Variants in CLIP2 observed in about 807,000 individuals in gnomAD.
CLIP2 encodes the protein CAP-Gly domain-containing linker protein 2.
CLIP2 carries 41 observed loss-of-function variants against 111.7 expected under a neutral mutation model. That is an observed-to-expected ratio of 0.37 (90% CI 0.29 to 0.48). CLIP2 has a LOEUF of 0.48. Among genes scored for constraint, CLIP2 ranks in the 20% least tolerant of loss-of-function variants. CLIP2 has a pLI of 0.99. For missense variants in CLIP2, 1,160 were observed against 1,422.1 expected (o/e 0.82, Z 2.96); for synonymous variants, 660 against 644.2 (o/e 1.02, Z -0.37).
chr7:74,403,946 G>A lies in CLIP2; in HGVS notation c.*98G>A. ...AGGCAGGAGCCGGGACTGTCACTTT[G>A]GAGACAAAACAGTGTTTGTAACAAT... On this transcript the variant is annotated 3_prime_UTR_variant, in exon 17 of 17. Transcript: ENST00000223398. 7.5e-7 allele frequency: 1 copy of A among 1,329,126 alleles called. No individual in the cohort carries two copies. The highest frequency in any genetic ancestry group is 1.8e-4 in the Middle Eastern group (1 of 5,508). The allele number at this position is 1,329,126 out of a possible 1,614,324, so 82.3% of individuals were successfully genotyped here.
At chr7:74,312,022 G>T (rs1378417135) in intron 1 of CLIP2, among the ~76,000 whole-genome samples, 1 of 152,048 alleles carries the variant, frequency 6.6e-6, no homozygotes, top group Non-Finnish European at 1.5e-5. Context: ...GAGGCAGGTG[G>T]ATCATTTGAG....
intron 15 of CLIP2, among the ~76,000 whole-genome samples, chr7:74,400,917 C>T (rs1554317483): frequency 2.8e-5 from 4 of 143,150 alleles, no homozygotes; most frequent in African/African-American, 1.1e-4. Context: ...AGCCCCCGGT[C>T]TGAAGGGGGA....
intron 3 of CLIP2, among the ~76,000 whole-genome samples, chr7:74,351,153 A>AG (rs1562704106): frequency 2.7e-5 from 4 of 146,336 alleles, no homozygotes; most frequent in Non-Finnish European, 6.1e-5. Flanking sequence ...GAGAGAGAGA[A>AG]AGAAAGAGAA....
chr7:74,369,120 G>T (rs1790536659), intron 8 of CLIP2, among the ~76,000 whole-genome samples: 1 of 152,204 alleles, frequency 6.6e-6, no homozygotes, highest in African/African-American at 2.4e-5. Context: ...GGAGGCCAAG[G>T]CAGGTGGATC....
chr7:74,368,547 T>A (rs945796098), intron 8 of CLIP2, among the ~76,000 whole-genome samples: 57 of 150,776 alleles, frequency 3.8e-4, no homozygotes, highest in Admixed American at 8.6e-4. Flanking sequence ...TAAATAAAAA[T>A]AAATAAAATA....
At chr7:74,350,679 A>G (rs1483431147) in intron 3 of CLIP2, among the ~76,000 whole-genome samples, 4 of 151,942 alleles carry the variant, frequency 2.6e-5, no homozygotes, top group Non-Finnish European at 5.9e-5. Context: ...AGGCTGGGCA[A>G]CATAGTGAGC....
rs1228722858 is a variant in CLIP2 at position 74,372,424 on chromosome 7, G to A, written c.1381-508G>A. Among the ~76,000 whole-genome samples the A allele has an allele frequency of 2.0e-5, 3 of 149,478 alleles. 1 individual carries two copies. Among genetic ancestry groups the A allele is most frequent in the Non-Finnish European group, 4.5e-5 (3 of 67,320 alleles). The stretch of plus-strand genomic sequence containing the variant: ...CCTTGGGGGGGGGGGGGAGTCGAGC[G>A]GGAATCCCGGGGTCCTTTATTTATT... On this transcript the variant is annotated intron_variant, in intron 8 of 16. Transcript: ENST00000223398.
At chr7:74,341,250 C>T (rs1157914895) in intron 3 of CLIP2, among the ~76,000 whole-genome samples, 13 of 152,176 alleles carry the variant, frequency 8.5e-5, no homozygotes, top group African/African-American at 2.2e-4. Context: ...CGCAGTGGTG[C>T]GTTCTCGGCT....
At chr7:74,354,083 T>A (rs1790085286) in intron 4 of CLIP2, 79 bp downstream of exon 4, 1 of 1,496,214 alleles carries the variant, frequency 6.7e-7, no homozygotes, top group South Asian at 1.3e-5. Flanking sequence ...GATGGGACAT[T>A]GGAGGAAGCG....
chr7:74,307,205 C>G (rs1554727876), intron 1 of CLIP2, among the ~76,000 whole-genome samples: 1 of 152,220 alleles, frequency 6.6e-6, no homozygotes, highest in Non-Finnish European at 1.5e-5. Flanking sequence ...CCTCTCCTGC[C>G]AGCTCTTTGG....
intron 9 of CLIP2, among the ~76,000 whole-genome samples, chr7:74,375,280 G>A (rs1349448283): frequency 5.3e-5 from 8 of 151,896 alleles, no homozygotes; most frequent in Middle Eastern, 6.8e-3. Context: ...GCTGGGCGGT[G>A]GCTCATGCCT....
chr7:74,330,892 A>AT lies in CLIP2; in HGVS notation c.122-7550dup, dbSNP rs1165216757. On this transcript the variant is annotated intron_variant, in intron 2 of 16. Transcript: ENST00000223398. ...GACTAAAGAGTGCATTCCTTATTTT[A>AT]TTTTTTCTTTTAAAACATATTAAGA... 2.0e-5 allele frequency among the ~76,000 whole-genome samples: 3 copies of AT among 151,690 alleles called. No individual in the cohort carries two copies. In the Admixed American group the frequency reaches 2.0e-4, roughly 10 times the overall value.
chr7:74,325,093 G>T (rs1193967883), intron 2 of CLIP2, among the ~76,000 whole-genome samples: 1 of 152,192 alleles, frequency 6.6e-6, no homozygotes, highest in African/African-American at 2.4e-5. Flanking sequence ...GGTTGTGGCT[G>T]CCTCCCAAAA....
chr7:74,339,816 A>G (rs1171551436), intron 3 of CLIP2, among the ~76,000 whole-genome samples: 1 of 151,918 alleles, frequency 6.6e-6, no homozygotes, highest in Non-Finnish European at 1.5e-5. Context: ...GGCCAGGCAC[A>G]GTGGTTCGTG....
intron 7 of CLIP2, among the ~76,000 whole-genome samples, chr7:74,363,418 G>A (rs1430547999): frequency 6.6e-6 from 1 of 152,192 alleles, no homozygotes; most frequent in African/African-American, 2.4e-5. Flanking sequence ...TGATGCCTGG[G>A]CATTCCACAT....
Position 74,353,766 on chromosome 7 carries a change from C to T in CLIP2, c.679-114C>T, listed in dbSNP as rs116849916. On this transcript the variant is annotated intron_variant, in intron 3 of 16. Transcript: ENST00000223398. ...TCTCTCCCTCCCCACTCCTGGCTCC[C>T]GTGTCCTCTGCATGCTGGAAGGGAT... is the stretch of plus-strand genomic sequence containing the variant. 2.5e-4 allele frequency: 364 copies of T among 1,446,550 alleles called. 5 individuals carry two copies. The East Asian group carries it at 7.1e-3, about 28-fold the overall frequency. The allele number at this position is 1,446,550 out of a possible 1,614,324, so 89.6% of individuals were successfully genotyped here. A position where few individuals can be genotyped will look rare whatever the true frequency, so the allele number is the denominator to read the frequency against.
At chr7:74,377,252 C>T (rs1292292426) in intron 10 of CLIP2, among the ~76,000 whole-genome samples, 1 of 152,214 alleles carries the variant, frequency 6.6e-6, no homozygotes, top group Non-Finnish European at 1.5e-5. Context: ...AACTTAGAAG[C>T]TCACCTGGGG....
At chr7:74,375,783 TGCCCTCGAATGGAC>T in intron 9 of CLIP2, 90 bp from the exon 10 acceptor site, 1 of 923,882 alleles carries the variant, frequency 1.1e-6, no homozygotes, top group Non-Finnish European at 1.6e-6. Context: ...CTGGGGCTGG[TGCCCTCGAATGGAC>T]GCCCCCTACC....
chr7:74,383,558 TATAAA>T (rs1554314294), intron 11 of CLIP2, among the ~76,000 whole-genome samples: 1 of 152,204 alleles, frequency 6.6e-6, no homozygotes, highest in African/African-American at 2.4e-5. Context: ...GCAGGTTTGT[TATAAA>T]ATTAACAAAT....
Sources: allele counts gnomAD v4.1 joint callset (sites outside exome capture counted in the v4.1 genomes callset), GRCh38; gene constraint gnomAD v4.1.1; transcripts MANE v1.5; gene names NCBI Gene and HGNC (gene_info 2026-07-23, HGNC 2026-07-21).